SYNDIG1: variants seen among roughly 807,000 people sequenced by gnomAD.
SYNDIG1 encodes synapse differentiation inducing 1.
A neutral mutation model predicts 19.4 loss-of-function variants in SYNDIG1; 9 were observed. The ratio of observed to expected loss-of-function variants is 0.46; its 90% CI spans 0.28 to 0.81. The LOEUF (loss-of-function observed/expected upper bound fraction) is 0.81. SYNDIG1 is among the 30% of genes least tolerant of loss of function. SYNDIG1 has a pLI of 0.12. For synonymous variants in SYNDIG1, 141 were observed against 145.9 expected, an observed-to-expected ratio of 0.97 and a Z score of 0.24; for missense variants, 311 against 343.3, an observed-to-expected ratio of 0.91 and a Z score of 0.74.
At chr20:24,663,508 C>G (rs951982055) in intron 3 of SYNDIG1, among the ~76,000 whole-genome samples, 1 of 152,182 alleles carries the variant, frequency 6.6e-6, no homozygotes, top group African/African-American at 2.4e-5. Flanking sequence ...AACTGTGCCC[C>G]AGTTAGAGAA....
In SYNDIG1 at chr20:24,665,760, T is replaced by C. The variant is rs988720235; in HGVS notation, c.*256T>C. On this transcript the variant is annotated 3_prime_UTR_variant, in exon 4 of 4. Coordinates refer to ENST00000376862, the MANE Select transcript of SYNDIG1 (RefSeq NM_024893.3). ...AAAGATCCCAGCCCGCAAGGCTGTC[T>C]CTGGATGGATTCTGGTGGATGAATG... The C allele has an allele frequency of 3.0e-5, 15 of 494,308 alleles. No homozygotes were observed. Among genetic ancestry groups the C allele is most frequent in the Non-Finnish European group, 4.8e-5 (14 of 291,762 alleles). The allele number at this position is 494,308 out of a possible 1,614,324, so 30.6% of individuals were successfully genotyped here.
chr20:24,626,947 G>T (rs571131589), intron 3 of SYNDIG1, among the ~76,000 whole-genome samples: 2 of 152,142 alleles, frequency 1.3e-5, no homozygotes, highest in Non-Finnish European at 2.9e-5. Context: ...GTGGCGGCGC[G>T]CGCCTGCAAT....
chr20:24,542,875 T>G, intron 1 of SYNDIG1, 145 bp from the exon 2 acceptor site: 1 of 620,956 alleles, frequency 1.6e-6, no homozygotes, highest in Non-Finnish European at 2.7e-6. Context: ...ATTCACTGAA[T>G]AGGTAGGACT....
intron 2 of SYNDIG1, among the ~76,000 whole-genome samples, chr20:24,583,377 C>T (rs1218641511): frequency 1.3e-5 from 2 of 152,196 alleles, no homozygotes; most frequent in East Asian, 1.9e-4. Context: ...CAGTCATTCT[C>T]GAAGCGCTCC....
intron 1 of SYNDIG1, among the ~76,000 whole-genome samples, chr20:24,521,899 C>CAA (rs11484410): frequency 0.051 from 6,967 of 136,794 alleles, 213 homozygotes; most frequent in African/African-American, 0.074. Flanking sequence ...GACTCCCTCT[C>CAA]AAAAAAAAAA....
chr20:24,557,897 C>G (rs2057857945), intron 2 of SYNDIG1, among the ~76,000 whole-genome samples: 1 of 152,196 alleles, frequency 6.6e-6, no homozygotes, highest in African/African-American at 2.4e-5. Flanking sequence ...GAGCTGTAGA[C>G]CGGAGCTGTT....
intron 2 of SYNDIG1, among the ~76,000 whole-genome samples, chr20:24,583,055 C>T (rs1031268339): frequency 6.6e-6 from 1 of 152,212 alleles, no homozygotes; most frequent in Non-Finnish European, 1.5e-5. Context: ...GAAAATATGC[C>T]GTACCAGGGA....
At position 24,493,426 on chromosome 20, in the gene SYNDIG1, G is replaced by T. The variant is rs1433876583; in HGVS notation, c.-79+23673G>T. ...GGCACACACATGCTTGGCACACACA[G>T]GTACGCACACATACATGGGCATACA... On this transcript the variant is annotated intron_variant, in intron 1 of 3. Transcript: ENST00000376862. Among the ~76,000 whole-genome samples the T allele has an allele frequency of 3.3e-5, 5 of 152,020 alleles. No individual in the cohort carries two copies. The East Asian group carries it at 9.6e-4, about 29-fold the overall frequency.
chr20:24,505,559 A>T (rs1006971076), intron 1 of SYNDIG1, among the ~76,000 whole-genome samples: 1 of 152,236 alleles, frequency 6.6e-6, no homozygotes, highest in African/African-American at 2.4e-5. Flanking sequence ...CATTTTTAAT[A>T]AAATTTAAAT....
intron 2 of SYNDIG1, among the ~76,000 whole-genome samples, chr20:24,556,449 G>T (rs562066259): frequency 1.3e-5 from 2 of 152,218 alleles, no homozygotes; most frequent in Non-Finnish European, 2.9e-5. Flanking sequence ...GGTACCGATT[G>T]TTCCTTTCCA....
intron 2 of SYNDIG1, among the ~76,000 whole-genome samples, chr20:24,566,572 G>C: frequency 6.6e-6 from 1 of 152,296 alleles, no homozygotes; most frequent in Non-Finnish European, 1.5e-5. Flanking sequence ...GGCTGGACTT[G>C]TTCTGATTAC....
chr20:24,542,235 A>G (rs2057483204), intron 1 of SYNDIG1, among the ~76,000 whole-genome samples: 1 of 152,220 alleles, frequency 6.6e-6, no homozygotes, highest in South Asian at 2.1e-4. Context: ...TAATTTGAGT[A>G]CATTTTAAAA....
chr20:24,503,721 A>G (rs1250781163), intron 1 of SYNDIG1, among the ~76,000 whole-genome samples: 1 of 151,806 alleles, frequency 6.6e-6, no homozygotes, highest in Non-Finnish European at 1.5e-5. Context: ...CCCTGTGCTA[A>G]CTTTCCTACA....
At chr20:24,615,494 G>T (rs1276979682) in intron 3 of SYNDIG1, among the ~76,000 whole-genome samples, 1 of 152,218 alleles carries the variant, frequency 6.6e-6, no homozygotes, top group Non-Finnish European at 1.5e-5. Flanking sequence ...TGTGAAGACT[G>T]TAGGGCTTTG....
intron 3 of SYNDIG1, among the ~76,000 whole-genome samples, chr20:24,593,650 C>A (rs2058549409): frequency 6.6e-6 from 1 of 152,186 alleles, no homozygotes; most frequent in South Asian, 2.1e-4. Flanking sequence ...TTTACACTTC[C>A]ACCAGCAGTG....
intron 2 of SYNDIG1, among the ~76,000 whole-genome samples, chr20:24,580,014 G>A (rs2058295838): frequency 6.6e-6 from 1 of 152,230 alleles, no homozygotes; most frequent in Non-Finnish European, 1.5e-5. Flanking sequence ...AGAACAGGCA[G>A]GCGATGCAGT....
intron 1 of SYNDIG1, among the ~76,000 whole-genome samples, chr20:24,480,017 G>A (rs1160259524): frequency 8.5e-5 from 13 of 152,154 alleles, no homozygotes; most frequent in Admixed American, 4.6e-4. Flanking sequence ...ACGCGCGCAC[G>A]CACACACATT....
chr20:24,591,010 A>G (rs1340421910), intron 3 of SYNDIG1, among the ~76,000 whole-genome samples: 2 of 152,150 alleles, frequency 1.3e-5, no homozygotes, highest in East Asian at 1.9e-4. Flanking sequence ...GGTGCTGGGG[A>G]CATTCTCTTT....
At chr20:24,548,038 C>T (rs1324663223) in intron 2 of SYNDIG1, among the ~76,000 whole-genome samples, 4 of 152,182 alleles carry the variant, frequency 2.6e-5, no homozygotes, top group Non-Finnish European at 5.9e-5. Context: ...GAAGGGAACG[C>T]TCATCGATGG....
Sources: allele counts gnomAD v4.1 joint callset (sites outside exome capture counted in the v4.1 genomes callset), GRCh38; gene constraint gnomAD v4.1.1; transcripts MANE v1.5; gene names NCBI Gene and HGNC (gene_info 2026-07-23, HGNC 2026-07-21).